Variants in BABAM2 observed in about 807,000 individuals in gnomAD.
BABAM2 encodes BRISC and BRCA1-A complex member 2.
BABAM2 carries 31 observed loss-of-function variants against 54.7 expected under a neutral mutation model. The observed-to-expected ratio is 0.57, with a 90% CI of 0.43 to 0.77. BABAM2 has a LOEUF of 0.77. Among genes scored for constraint, BABAM2 ranks in the 30% least tolerant of loss-of-function variants. The probability of loss-of-function intolerance (pLI) is 0.00; values close to 1 mark genes in which losing one functional copy is unlikely to be tolerated. For missense variants in BABAM2, 364 were observed against 455.8 expected (o/e 0.80, Z 1.83); for synonymous variants, 167 against 162.9 (o/e 1.03, Z -0.19).
chr2:27,953,020 T>TTC (rs555553730), intron 3 of BABAM2, among the ~76,000 whole-genome samples: 89 of 152,016 alleles, frequency 5.9e-4, no homozygotes, highest in African/African-American at 2.0e-3. Context: ...CCCTTCACAC[T>TTC]TCTCTCTCTC....
At chr2:28,026,906 A>AG (rs1675834073) in intron 5 of BABAM2, among the ~76,000 whole-genome samples, 11 of 27,732 alleles carry the variant, frequency 4.0e-4, no homozygotes, top group African/African-American at 1.1e-3. Flanking sequence ...AAATATATAT[A>AG]AATATATATT....
chr2:28,252,653 T>A (rs1291618201), intron 10 of BABAM2, among the ~76,000 whole-genome samples: 2 of 152,252 alleles, frequency 1.3e-5, no homozygotes, highest in African/African-American at 4.8e-5. Flanking sequence ...GTCTTCATTA[T>A]AATACCTTAG....
chr2:27,894,271 C>G (rs1445041747), intron 1 of BABAM2, among the ~76,000 whole-genome samples: 1 of 152,092 alleles, frequency 6.6e-6, no homozygotes, highest in Non-Finnish European at 1.5e-5. Context: ...GTGTAGAAAT[C>G]AGCTTTGGGA....
intron 2 of BABAM2, among the ~76,000 whole-genome samples, chr2:27,919,027 T>C (rs1667178448): frequency 6.6e-6 from 1 of 152,220 alleles, no homozygotes. Context: ...ATGATATCTC[T>C]GTTCATTTAT....
At chr2:28,274,908 G>A (rs1049043308) in intron 10 of BABAM2, among the ~76,000 whole-genome samples, 3 of 152,218 alleles carry the variant, frequency 2.0e-5, no homozygotes, top group African/African-American at 7.2e-5. Context: ...CTGAGGCTGA[G>A]TGAAGACCTC....
Position 27,894,000 on chromosome 2 carries a change from AAAG to A in BABAM2, c.-24-530_-24-528del, listed in dbSNP as rs1187029439. ...AGAGTGAGACTCTGTCGCAAAAAAA[AAAG>A]AAAAAAAAAGAAAGATATATCAGCA... On this transcript the variant is annotated intron_variant, in intron 1 of 11. Coordinates refer to ENST00000379624, the MANE Select transcript of BABAM2 (RefSeq NM_199191.3). Among the ~76,000 whole-genome samples, 18 of 150,096 alleles carry A rather than the reference AAAG, an allele frequency of 1.2e-4. 4 individuals carry two copies. The highest frequency in any genetic ancestry group is 2.6e-4 in the Admixed American group (4 of 15,106).
intron 7 of BABAM2, among the ~76,000 whole-genome samples, chr2:28,130,806 C>A (rs570772178): frequency 2.2e-4 from 34 of 151,976 alleles, no homozygotes; most frequent in African/African-American, 7.7e-4. Flanking sequence ...GTGGTGCAAT[C>A]TCGGCTCACT....
chr2:28,212,255 CA>C (rs1679532680), intron 7 of BABAM2, among the ~76,000 whole-genome samples: 3 of 152,180 alleles, frequency 2.0e-5, no homozygotes, highest in Admixed American at 2.0e-4. Context: ...TTCATTTATT[CA>C]GCATTTGAGT....
intron 6 of BABAM2, among the ~76,000 whole-genome samples, chr2:28,066,942 G>A (rs55666656): frequency 0.074 from 11,311 of 152,174 alleles, 598 homozygotes; most frequent in African/African-American, 0.15. Context: ...ATTTTATTTT[G>A]TTTAATTAAT....
chr2:28,226,419 AT>A (rs1258966419), intron 7 of BABAM2, among the ~76,000 whole-genome samples: 4 of 152,270 alleles, frequency 2.6e-5, no homozygotes, highest in African/African-American at 7.2e-5. Flanking sequence ...TACTACAAAT[AT>A]TTTTTAAGTG....
chr2:28,087,977 T>G (rs1665820988), intron 6 of BABAM2, among the ~76,000 whole-genome samples: 1 of 152,138 alleles, frequency 6.6e-6, no homozygotes, highest in Non-Finnish European at 1.5e-5. Context: ...AAATCAGTAA[T>G]GCTTTCGGTA....
chr2:28,173,087 C>T (rs1355337592), intron 7 of BABAM2, among the ~76,000 whole-genome samples: 1 of 152,142 alleles, frequency 6.6e-6, no homozygotes, highest in Non-Finnish European at 1.5e-5. Context: ...ACCCTCATAA[C>T]ATTATCTAAT....
At chr2:28,283,906 A>C (rs939130948) in intron 10 of BABAM2, among the ~76,000 whole-genome samples, 2 of 152,352 alleles carry the variant, frequency 1.3e-5, no homozygotes, top group Non-Finnish European at 1.5e-5. Flanking sequence ...AGCTTTCAAA[A>C]ACAAACCCCA....
intron 7 of BABAM2, among the ~76,000 whole-genome samples, chr2:28,159,896 A>C (rs866580852): frequency 6.6e-6 from 1 of 152,116 alleles, no homozygotes; most frequent in South Asian, 2.1e-4. Flanking sequence ...AAAAAAAAAA[A>C]ATTGCCAGAA....
At chr2:28,231,605 A>G (rs1398243982) in intron 7 of BABAM2, among the ~76,000 whole-genome samples, 3 of 151,910 alleles carry the variant, frequency 2.0e-5, no homozygotes, top group African/African-American at 7.3e-5. Flanking sequence ...CTCAGAACCC[A>G]ATTCAGGGGC....
intron 11 of BABAM2, among the ~76,000 whole-genome samples, chr2:28,299,114 A>G (rs1349494369): frequency 2.0e-5 from 3 of 152,218 alleles, no homozygotes; most frequent in African/African-American, 7.2e-5. Context: ...AGTGTATACC[A>G]TAGCTGTTGC....
intron 2 of BABAM2, among the ~76,000 whole-genome samples, chr2:27,913,319 C>T (rs1666738957): frequency 6.6e-6 from 1 of 152,106 alleles, no homozygotes; most frequent in Admixed American, 6.5e-5. Flanking sequence ...GGTCCATGGA[C>T]CTGCTCTCTT....
upstream of BABAM2, chr2:27,890,510 C>G: frequency 3.2e-6 from 2 of 631,742 alleles, no homozygotes; most frequent in Non-Finnish European, 5.6e-6. This position sits in a 1 kb window ranked among gnomAD's most constrained non-coding sequence, Gnocchi z 4.8. Flanking sequence ...CAAGTGTCCC[C>G]TCTTCTTCCT....
At chr2:28,295,424 G>A (rs1345513603) in intron 10 of BABAM2, among the ~76,000 whole-genome samples, 4 of 151,918 alleles carry the variant, frequency 2.6e-5, no homozygotes, top group African/African-American at 9.7e-5. Flanking sequence ...TGCTTTGGAG[G>A]TTACTCTCAA....
Sources: allele counts gnomAD v4.1 joint callset (sites outside exome capture counted in the v4.1 genomes callset), GRCh38; gene constraint gnomAD v4.1.1; non-coding constraint Gnocchi (gnomAD v3.1); transcripts MANE v1.5; gene names NCBI Gene and HGNC (gene_info 2026-07-23, HGNC 2026-07-21).